The following TRIM4 variants were observed in gnomAD, a reference collection of about 807,000 sequenced individuals.
The protein encoded by TRIM4 is E3 ubiquitin-protein ligase TRIM4.
TRIM4 carries 29 observed loss-of-function variants against 33.7 expected under a neutral mutation model. The ratio of observed to expected loss-of-function variants is 0.86; its 90% CI spans 0.64 to 1.17. The LOEUF is 1.17. Ranked by LOEUF, TRIM4 falls within the 50% of genes most tolerant of loss-of-function variation. The pLI, the probability that TRIM4 is intolerant of heterozygous loss-of-function variation, is 0.00. For missense variants in TRIM4, 554 were observed against 593.7 expected, an observed-to-expected ratio of 0.93 and a Z score of 0.69; for synonymous variants, 224 against 233.0, an observed-to-expected ratio of 0.96 and a Z score of 0.35.
chr7:99,897,816 A>G (rs1364069192), intron 5 of TRIM4, among the ~76,000 whole-genome samples: 1 of 152,212 alleles, frequency 6.6e-6, no homozygotes, highest in Non-Finnish European at 1.5e-5. Flanking sequence ...TCCACTTTGT[A>G]TTATAAACCA....
At chr7:99,894,672 C>T (rs530861593) in intron 5 of TRIM4, among the ~76,000 whole-genome samples, 1 of 125,678 alleles carries the variant, frequency 8.0e-6, no homozygotes, top group African/African-American at 2.9e-5. Flanking sequence ...ATCCCCCCCC[C>T]AAAAAAAAAA....
At chr7:99,899,472 C>T (rs924992280) in intron 5 of TRIM4, among the ~76,000 whole-genome samples, 2 of 152,180 alleles carry the variant, frequency 1.3e-5, no homozygotes, top group Non-Finnish European at 2.9e-5. Context: ...GCCTTTCAGA[C>T]ACGGTGCCAT....
intron 3 of TRIM4, among the ~76,000 whole-genome samples, chr7:99,903,850 T>G (rs1371653928): frequency 6.6e-6 from 1 of 152,246 alleles, no homozygotes; most frequent in Non-Finnish European, 1.5e-5. Context: ...CCTGGCTTCC[T>G]GCCGGCCTCC....
intron 3 of TRIM4, among the ~76,000 whole-genome samples, chr7:99,906,093 CA>C (rs1819297228): frequency 6.6e-6 from 1 of 151,890 alleles, no homozygotes; most frequent in African/African-American, 2.4e-5. Context: ...TGCAGTGAGC[CA>C]AGATCGCTCC....
chr7:99,903,133 T>C, intron 5 of TRIM4, 85 bp downstream of exon 5: 1 of 1,012,750 alleles, frequency 9.9e-7, no homozygotes, highest in Admixed American at 2.1e-5. Context: ...TGCATGCTGT[T>C]TCCTCTTTCC....
intron 3 of TRIM4, among the ~76,000 whole-genome samples, chr7:99,904,045 A>G (rs1819239465): frequency 6.6e-6 from 1 of 152,220 alleles, no homozygotes; most frequent in Admixed American, 6.5e-5. Flanking sequence ...GAATTTTACT[A>G]AACTTTATGG....
In TRIM4 at chr7:99,892,588, C is replaced by T. The variant is rs762258884; in HGVS notation, c.1000G>A (p.Val334Ile). 9 of 1,614,202 alleles carry T rather than the reference C, an allele frequency of 5.6e-6. No individual in the cohort carries two copies. In the Middle Eastern group the frequency reaches 9.9e-4, roughly 178 times the overall value. The stretch of plus-strand genomic sequence containing the variant: ...CAGGGTAAGTGCTGAAATCTCTCTA[C>T]AAAAGCAGTCTTCTGAGGATTCCTC... ...GWRNPQKTAF[V>I]ERFQHLPCVL... The change falls in exon 6 of 6, where the codon GTA becomes ATA. Residue 334 changes from valine (V) to isoleucine (I), a missense_variant. By Grantham distance (29) the Val-to-Ile change is conservative. Coordinates refer to ENST00000349062, the MANE Select transcript of TRIM4 (RefSeq NM_033091.3).
chr7:99,903,730 A>G (rs1318464457), intron 3 of TRIM4, 132 bp from the exon 4 acceptor site: 5 of 943,960 alleles, frequency 5.3e-6, no homozygotes, highest in African/African-American at 3.2e-5. Context: ...GCCAAAGCCA[A>G]CAGATTGACA....
chr7:99,905,919 C>T (rs11980179), intron 3 of TRIM4, among the ~76,000 whole-genome samples: 25,629 of 151,772 alleles, frequency 0.17, 4,662 homozygotes, highest in African/African-American at 0.46. Flanking sequence ...CCAAGGCAGG[C>T]GGATCACTCG....
At chr7:99,900,926 T>G (rs988440979) in intron 5 of TRIM4, among the ~76,000 whole-genome samples, 1 of 128,042 alleles carries the variant, frequency 7.8e-6, no homozygotes, top group African/African-American at 2.5e-5. Flanking sequence ...TTTCTTCATA[T>G]TTCTCATACT....
Position 99,899,391 on chromosome 7 carries a change from T to C in TRIM4, c.841+3827A>G, listed in dbSNP as rs562324893. On this transcript the variant is annotated intron_variant, in intron 5 of 5. Coordinates refer to ENST00000349062, the MANE Select transcript of TRIM4 (RefSeq NM_033091.3). ...TTTGTTTTCCTGTCCAGCTGGCCATTCCTGGACTGCCCTGCATGTAGGTCT... is the reference window on the plus strand; with the variant it reads ...TTTGTTTTCCTGTCCAGCTGGCCATCCCTGGACTGCCCTGCATGTAGGTCT... 2.6e-5 allele frequency among the ~76,000 whole-genome samples: 4 copies of C among 152,336 alleles called. No homozygotes were observed. The East Asian group carries it at 7.7e-4, about 29-fold the overall frequency.
rs900640281 is a variant in TRIM4, at chr7:99,919,194, G to A, written c.208C>T (p.Leu70=). The A allele has an allele frequency of 1.3e-6, 2 of 1,492,540 alleles. No individual in the cohort carries two copies. The highest frequency in any genetic ancestry group is 2.9e-5 in the African/African-American group (2 of 68,456). 92.5% of individuals were successfully genotyped at this position (1,492,540 alleles called of 1,614,324 possible). A position where few individuals can be genotyped will look rare whatever the true frequency, so the allele number is the denominator to read the frequency against. The change falls in exon 1 of 6, where the codon CTG becomes TTG. Residue 70 remains leucine (L), a synonymous_variant. Transcript: ENST00000349062. The part of the protein sequence containing the change: ...ALRPNWALAR[L]TEKTQRRRLG... ...CGCCGGCGCTGCGTCTTCTCAGTCA[G>A]CCTGGCCAGGGCCCAGTTGGGTCGC...
chr7:99,892,712 G>T lies in TRIM4; in HGVS notation c.876C>A (p.Pro292=). The change falls in exon 6 of 6, where the codon CCC becomes CCA. Residue 292 remains proline, a synonymous_variant. Transcript: ENST00000349062. ...TCCCTTCCTGGGAGAAGACGAGTTT[G>T]GGATGAGCTGTGTCTTCAGCTAGGT... is the stretch of plus-strand genomic sequence containing the variant. ...AVNLAEDTAH[P]KLVFSQEGRY... is the part of the protein sequence containing the mutation. 6.2e-7 allele frequency: 1 copy of T among 1,613,766 alleles called. No individual in the cohort carries two copies. The highest frequency in any genetic ancestry group is 8.5e-7 in the Non-Finnish European group (1 of 1,179,986).
At chr7:99,897,157 T>C (rs1819035276) in intron 5 of TRIM4, among the ~76,000 whole-genome samples, 1 of 152,192 alleles carries the variant, frequency 6.6e-6, no homozygotes, top group African/African-American at 2.4e-5. Flanking sequence ...AGAGATCTAG[T>C]GGCAGGGAGG....
chr7:99,919,391 T>A lies in TRIM4; in HGVS notation c.11A>T (p.Glu4Val). 1 of 1,563,382 alleles carries A rather than the reference T, an allele frequency of 6.4e-7. No individual in the cohort carries two copies. The highest frequency in any genetic ancestry group is 1.2e-5 in the South Asian group (1 of 85,520). MEA[E>V]DIQEELTCPI... ...GCAGGTCAACTCCTCCTGGATGTCC[T>A]CAGCTTCCATGCTGCTTCCCTGCCG... is the stretch of plus-strand genomic sequence containing the variant. The change falls in exon 1 of 6, where the codon GAG becomes GTG. Residue 4 changes from glutamate (E) to valine (V), a missense_variant. By Grantham distance (121) the Glu-to-Val change is moderately radical. Transcript: ENST00000349062.
chr7:99,911,225 G>A (rs1819435386), intron 1 of TRIM4, among the ~76,000 whole-genome samples: 1 of 152,156 alleles, frequency 6.6e-6, no homozygotes, highest in Non-Finnish European at 1.5e-5. Flanking sequence ...ATTCTATAGA[G>A]TAAGAGGATC....
At chr7:99,915,585 T>C (rs1819537805) in intron 1 of TRIM4, among the ~76,000 whole-genome samples, 1 of 152,200 alleles carries the variant, frequency 6.6e-6, no homozygotes, top group African/African-American at 2.4e-5. Flanking sequence ...AATGGGATGC[T>C]TGGAAATAAA....
chr7:99,909,332 AG>A (rs989475006), intron 2 of TRIM4, among the ~76,000 whole-genome samples: 1 of 152,162 alleles, frequency 6.6e-6, no homozygotes, highest in Non-Finnish European at 1.5e-5. Context: ...CACTAGCAGC[AG>A]GGACAGGTAC....
chr7:99,895,361 G>T (rs540788463), intron 5 of TRIM4, among the ~76,000 whole-genome samples: 1 of 152,168 alleles, frequency 6.6e-6, no homozygotes, highest in East Asian at 1.9e-4. Context: ...ATTTAGGGGG[G>T]TTTCTAAGGA....
Sources: gnomAD v4.1 joint callset for allele counts (sites outside exome capture counted in the v4.1 genomes callset) on GRCh38, gnomAD v4.1.1 for gene constraint, MANE v1.5 for transcripts, NCBI Gene and HGNC (gene_info 2026-07-23, HGNC 2026-07-21) for gene names.